Variants in NF1 observed in about 807,000 individuals in gnomAD.
NF1 encodes neurofibromin 1, also known as neurofibromin.
NF1 carries 122 observed loss-of-function variants against 325.7 expected under a neutral mutation model. The ratio of observed to expected loss-of-function variants is 0.37; its 90% CI spans 0.32 to 0.44. The LOEUF (loss-of-function observed/expected upper bound fraction) is 0.44, where lower values mean the gene tolerates loss of function less well. Ranked by LOEUF, NF1 falls within the 20% of genes least tolerant of loss-of-function variation. The pLI, the probability that NF1 is intolerant of heterozygous loss-of-function variation, is 1.00. For missense variants in NF1, 2,140 were observed against 3,415.4 expected, an observed-to-expected ratio of 0.63 and a Z score of 9.31; for synonymous variants, 1,091 against 1,186.0, an observed-to-expected ratio of 0.92 and a Z score of 1.65.
At chr17:31,267,295 G>A (rs778175927) in intron 36 of NF1, among the ~76,000 whole-genome samples, 3 of 151,958 alleles carry the variant, frequency 2.0e-5, no homozygotes, top group Non-Finnish European at 2.9e-5. Flanking sequence ...TTAAAGCTGG[G>A]GTATGTGCTT....
At chr17:31,152,287 T>C (rs1247416653) in intron 1 of NF1, among the ~76,000 whole-genome samples, 2 of 151,838 alleles carry the variant, frequency 1.3e-5, no homozygotes, top group Non-Finnish European at 2.9e-5. Flanking sequence ...TCTGGGTCAC[T>C]TTTCCAGGTG....
intron 35 of NF1, among the ~76,000 whole-genome samples, chr17:31,263,120 T>TAGATAGATAGATAGATAGATAAGATA (rs149743607): frequency 2.1e-5 from 2 of 95,632 alleles, no homozygotes; most frequent in Admixed American, 9.9e-5. Context: ...GATAGATAGA[T>TAGATAGATAGATAGATAGATAAGATA]AGATAAGATA....
chr17:31,121,348 C>A (rs909971762), intron 1 of NF1, among the ~76,000 whole-genome samples: 1 of 149,966 alleles, frequency 6.7e-6, no homozygotes, highest in South Asian at 2.1e-4. Context: ...TATATTCATT[C>A]ATTCAACAAA....
intron 36 of NF1, among the ~76,000 whole-genome samples, chr17:31,284,606 A>C (rs1165223488): frequency 6.6e-6 from 1 of 151,852 alleles, no homozygotes; most frequent in Non-Finnish European, 1.5e-5. Flanking sequence ...TATTTTATAG[A>C]GACGGGGTTT....
At chr17:31,302,130 CT>C (rs1179176192) in intron 36 of NF1, among the ~76,000 whole-genome samples, 2 of 151,906 alleles carry the variant, frequency 1.3e-5, no homozygotes, top group Non-Finnish European at 2.9e-5. Flanking sequence ...CAAAGAATTT[CT>C]TTAAAAAAAA....
chr17:31,322,035 A>G (rs545631862), intron 36 of NF1, among the ~76,000 whole-genome samples: 24 of 152,140 alleles, frequency 1.6e-4, no homozygotes, highest in Non-Finnish European at 3.2e-4. Context: ...TTGAGAAAAT[A>G]TCTAGTAAAC....
chr17:31,279,850 A>G (rs1052562354), intron 36 of NF1, among the ~76,000 whole-genome samples: 3 of 152,192 alleles, frequency 2.0e-5, no homozygotes, highest in African/African-American at 7.2e-5. Flanking sequence ...TCCTAATGGT[A>G]TAATACTGTA....
chr17:31,319,140 A>C, intron 36 of NF1: 1 of 1,040,624 alleles, frequency 9.6e-7, no homozygotes, highest in Non-Finnish European at 1.4e-6. Context: ...GCTTATGCCT[A>C]ATATTCGCTA....
Position 31,262,535 on chromosome 17 carries a change from A to G in NF1, c.4724+678A>G, listed in dbSNP as rs141346292. ...TGTCTGTGATTTGAGTGCTATGTTC[A>G]TAGTATGTTCCAAAACAGAATAAAA... On this transcript the variant is annotated intron_variant, in intron 35 of 57. Coordinates refer to ENST00000358273, the MANE Select transcript of NF1 (RefSeq NM_001042492.3). Among the ~76,000 whole-genome samples, 6 of 152,306 alleles carry G rather than the reference A, an allele frequency of 3.9e-5. No individual in the cohort carries two copies. The East Asian group carries it at 9.6e-4, about 24-fold the overall frequency.
At chr17:31,160,853 T>C (rs905155271) in intron 3 of NF1, among the ~76,000 whole-genome samples, 10 of 152,342 alleles carry the variant, frequency 6.6e-5, no homozygotes, top group Admixed American at 5.9e-4. Context: ...CTAATTGAAA[T>C]GCTAATAAGT....
intron 1 of NF1, chr17:31,136,941 C>T (rs932862521): frequency 1.3e-5 from 2 of 152,046 alleles, no homozygotes; most frequent in Admixed American, 6.6e-5. Context: ...TTTATTTCTC[C>T]CTTATTCTTG....
intron 30 of NF1, chr17:31,251,080 AG>A (rs2067485909): frequency 5.1e-6 from 1 of 195,260 alleles, no homozygotes; most frequent in Non-Finnish European, 1.1e-5. Flanking sequence ...AAAGAAAGAT[AG>A]GAAAAAAGCT....
intron 36 of NF1, among the ~76,000 whole-genome samples, chr17:31,292,006 G>A (rs2068352837): frequency 6.6e-6 from 1 of 152,140 alleles, no homozygotes; most frequent in Admixed American, 6.6e-5. Flanking sequence ...ATGTGGGTGG[G>A]CCAAGACACT....
chr17:31,294,945 G>C, intron 36 of NF1: 1 of 1,602,978 alleles, frequency 6.2e-7, no homozygotes, highest in South Asian at 1.1e-5. Context: ...GTTAGATATG[G>C]ACATATTTTC....
intron 57 of NF1, among the ~76,000 whole-genome samples, chr17:31,370,598 C>T (rs2070616702): frequency 6.6e-6 from 1 of 152,134 alleles, no homozygotes; most frequent in African/African-American, 2.4e-5. Context: ...GATACCTTCA[C>T]CCTAGTGACT....
At chr17:31,135,588 CAG>C (rs1217416030) in intron 1 of NF1, among the ~76,000 whole-genome samples, 1 of 151,808 alleles carries the variant, frequency 6.6e-6, no homozygotes, top group Admixed American at 6.6e-5. Flanking sequence ...TTTTTTGAAA[CAG>C]GGGTCTTTCT....
At chr17:31,271,074 C>G (rs1400627740) in intron 36 of NF1, among the ~76,000 whole-genome samples, 1 of 152,176 alleles carries the variant, frequency 6.6e-6, no homozygotes, top group Non-Finnish European at 1.5e-5. Context: ...CAAACCTAAG[C>G]CAAAGCTCTT....
At chr17:31,248,712 G>C (rs2067442436) in intron 29 of NF1, among the ~76,000 whole-genome samples, 1 of 151,888 alleles carries the variant, frequency 6.6e-6, no homozygotes. Flanking sequence ...TAGTAGAGAT[G>C]GGGTTTCACC....
Position 31,222,076 on chromosome 17 carries a change from AT to A in NF1, c.1721+149del, listed in dbSNP as rs2066934274. The A allele has an allele frequency of 2.3e-6, 3 of 1,295,942 alleles. No homozygotes were observed. The East Asian group carries it at 8.6e-5, about 37-fold the overall frequency. The allele number at this position is 1,295,942 out of a possible 1,614,324, so 80.3% of individuals were successfully genotyped here. A position where few individuals can be genotyped will look rare whatever the true frequency, so the allele number is the denominator to read the frequency against. On this transcript the variant is annotated intron_variant, in intron 15 of 57. Transcript: ENST00000358273. ...TTTGTATTTTATTTGACTTCAAATT[AT>A]TAGAATTTCTTGTTTTAACTGTAAG...
Sources: allele counts gnomAD v4.1 joint callset (sites outside exome capture counted in the v4.1 genomes callset), GRCh38; gene constraint gnomAD v4.1.1; transcripts MANE v1.5; gene names NCBI Gene and HGNC (gene_info 2026-07-23, HGNC 2026-07-21).